Variants in CLPX observed in about 807,000 individuals in gnomAD.
CLPX encodes the protein caseinolytic mitochondrial matrix peptidase chaperone subunit X.
A neutral mutation model predicts 76.4 loss-of-function variants in CLPX; 34 were observed. The ratio of observed to expected loss-of-function variants is 0.45; its 90% confidence interval spans 0.34 to 0.59. The LOEUF is 0.59. Among genes scored for constraint, CLPX ranks in the 20% least tolerant of loss-of-function variants. The pLI is 0.01. For synonymous variants in CLPX, 248 were observed against 270.9 expected (o/e 0.92, Z 0.83); for missense variants, 613 against 757.0 (o/e 0.81, Z 2.23).
chr15:65,162,744 T>A, intron 5 of CLPX, 99 bp from the exon 6 acceptor site: 1 of 676,922 alleles, frequency 1.5e-6, no homozygotes, highest in East Asian at 2.8e-5. Flanking sequence ...TTTAAAGGAT[T>A]TGTTCATTAA....
intron 3 of CLPX, among the ~76,000 whole-genome samples, chr15:65,171,483 CA>C (rs1300410761): frequency 6.6e-6 from 1 of 151,812 alleles, no homozygotes; most frequent in Non-Finnish European, 1.5e-5. Flanking sequence ...ATTCTATTAG[CA>C]AATTTTAAGG....
At chr15:65,181,793 T>TA (rs2088176428) in intron 1 of CLPX, among the ~76,000 whole-genome samples, 1 of 120,802 alleles carries the variant, frequency 8.3e-6, no homozygotes, top group African/African-American at 3.1e-5. Context: ...AATAAATAAA[T>TA]AAAGATAGTA....
intron 9 of CLPX, 48 bp from the exon 10 acceptor site, chr15:65,155,904 TTTA>T: frequency 6.8e-7 from 1 of 1,463,758 alleles, no homozygotes; most frequent in African/African-American, 1.4e-5. Flanking sequence ...AAGCACATTA[TTTA>T]TTATACTTTA....
At chr15:65,171,446 C>CAA (rs749202474) in intron 3 of CLPX, among the ~76,000 whole-genome samples, 1 of 101,744 alleles carries the variant, frequency 9.8e-6, no homozygotes, top group African/African-American at 3.7e-5. Context: ...GACTCAGTCT[C>CAA]AAAAAAAAAA....
At position 65,164,088 on chromosome 15, in the gene CLPX, A is replaced by G. The variant is rs1196452618; in HGVS notation, c.614T>C (p.Ile205Thr). Residue 205 changes from isoleucine to threonine, a missense_variant, in exon 5 of 14, where the codon ATC (isoleucine) becomes ACC (threonine). Transcript: ENST00000300107. ...TGCTTGCTGTCTCAGATTAGCTGGG[A>G]TATTATTATATATTCTCTTATAATG... is the stretch of plus-strand genomic sequence containing the variant. Reference protein sequence around the residue: ...YNHYKRIYNNIPANLRQQAEV... With the variant: ...YNHYKRIYNNTPANLRQQAEV... 5 of 1,613,276 alleles carry G rather than the reference A, an allele frequency of 3.1e-6. No homozygotes were observed. In the South Asian group the frequency reaches 3.3e-5, roughly 11 times the overall value.
At chr15:65,165,447 G>C (rs2087899119) in intron 4 of CLPX, among the ~76,000 whole-genome samples, 1 of 127,544 alleles carries the variant, frequency 7.8e-6, no homozygotes, top group South Asian at 2.6e-4. Flanking sequence ...GCAGTGGCGT[G>C]ATCTTGGCTC....
In CLPX at chr15:65,185,174, G is replaced by A. The variant is rs779499015; in HGVS notation, c.-21C>T. On this transcript the variant is annotated 5_prime_UTR_variant, in exon 1 of 14. Coordinates refer to ENST00000300107, the MANE Select transcript of CLPX (RefSeq NM_006660.5). ...GGCATCTCCGCGAGGCCTAGGCCGGGGCTTCGCCCCCTGAGGACCTCCGGG... is the reference window on the plus strand; with the variant it reads ...GGCATCTCCGCGAGGCCTAGGCCGGAGCTTCGCCCCCTGAGGACCTCCGGG... 22 of 1,552,444 alleles carry A rather than the reference G, an allele frequency of 1.4e-5. No homozygotes were observed. The South Asian group carries it at 2.6e-4, about 18-fold the overall frequency.
intron 3 of CLPX, among the ~76,000 whole-genome samples, chr15:65,169,509 A>G (rs1008481837): frequency 1.3e-5 from 2 of 152,006 alleles, no homozygotes; most frequent in Non-Finnish European, 2.9e-5. Flanking sequence ...ACTTGAGCTT[A>G]GGAGTTCAAG....
chr15:65,163,868 T>C (rs1051691537), intron 5 of CLPX, among the ~76,000 whole-genome samples, 161 bp downstream of exon 5: 3 of 152,228 alleles, frequency 2.0e-5, no homozygotes, highest in East Asian at 1.9e-4. Context: ...TAAAAAATGC[T>C]GTTGGCAAAT....
chr15:65,178,617 C>G (rs1216765713), intron 3 of CLPX, among the ~76,000 whole-genome samples: 1 of 151,450 alleles, frequency 6.6e-6, no homozygotes, highest in South Asian at 2.1e-4. Flanking sequence ...GGATGGGGTA[C>G]AGTGGCATGA....
intron 3 of CLPX, among the ~76,000 whole-genome samples, chr15:65,168,201 C>G (rs185797716): frequency 6.6e-6 from 1 of 150,690 alleles, no homozygotes; most frequent in South Asian, 2.1e-4. Flanking sequence ...CTGGCTAACA[C>G]GGTAAAACCC....
At chr15:65,160,629 A>T (rs2945609) in intron 6 of CLPX, among the ~76,000 whole-genome samples, 3,468 of 144,650 alleles carry the variant, frequency 0.024, 114 homozygotes, top group African/African-American at 0.088. Context: ...TCTCTCACAC[A>T]CACACACACA....
At chr15:65,163,477 T>C (rs1377976716) in intron 5 of CLPX, among the ~76,000 whole-genome samples, 1 of 152,140 alleles carries the variant, frequency 6.6e-6, no homozygotes, top group Non-Finnish European at 1.5e-5. Context: ...AATATAGGCC[T>C]AAATCAGAAA....
At chr15:65,166,891 T>C (rs1318094528) in intron 3 of CLPX, 106 bp from the exon 4 acceptor site, 5 of 1,099,718 alleles carry the variant, frequency 4.5e-6, no homozygotes, top group Non-Finnish European at 6.4e-6. Context: ...TGACAAAAAG[T>C]AGACTTGCTG....
chr15:65,156,463 T>A (rs2087790911), intron 9 of CLPX, among the ~76,000 whole-genome samples: 1 of 152,180 alleles, frequency 6.6e-6, no homozygotes, highest in Non-Finnish European at 1.5e-5. Context: ...GAATTAAACA[T>A]TATTTTATAC....
rs764875353 is a variant in CLPX, at chr15:65,180,156, G to T, written c.128C>A (p.Thr43Lys). The T allele has an allele frequency of 1.9e-6, 3 of 1,609,384 alleles. No individual in the cohort carries two copies. The African/African-American group carries it at 4.0e-5, about 22-fold the overall frequency. Reference sequence around the variant, plus strand: ...TCTTTGCAGAATCTGAGTTTCAAATGTCCCAAGCCTTCCTAAAACTGACAT... The same window carrying T: ...TCTTTGCAGAATCTGAGTTTCAAATTTCCCAAGCCTTCCTAAAACTGACAT... ...IHMSVLGRLG[T>K]FETQILQRAP... is the part of the protein sequence containing the mutation. Residue 43 changes from threonine (T) to lysine (K), a missense_variant, in exon 2 of 14, where the codon ACA (threonine) becomes AAA (lysine). Around this residue, in one of 2 missense-constraint regions of CLPX, gnomAD observed 163 missense variants for 118.4 expected, o/e 1.38. Transcript: ENST00000300107.
intron 3 of CLPX, among the ~76,000 whole-genome samples, chr15:65,168,259 C>T (rs2087945545): frequency 2.7e-5 from 4 of 150,382 alleles, no homozygotes. Flanking sequence ...TGGTGGGCGC[C>T]TGTAGTCCCA....
intron 11 of CLPX, among the ~76,000 whole-genome samples, chr15:65,154,199 G>A (rs2087759003): frequency 6.6e-6 from 1 of 152,168 alleles, no homozygotes; most frequent in South Asian, 2.1e-4. Context: ...ATGATATTTT[G>A]GTGATAGTCA....
intron 9 of CLPX, 49 bp from the exon 10 acceptor site, chr15:65,155,905 T>G: frequency 6.8e-7 from 1 of 1,468,738 alleles, no homozygotes; most frequent in Admixed American, 1.9e-5. Context: ...AGCACATTAT[T>G]TATTATACTT....
Sources: allele counts gnomAD v4.1 joint callset (sites outside exome capture counted in the v4.1 genomes callset), GRCh38; gene constraint gnomAD v4.1.1; regional missense constraint gnomAD v4.1.1; transcripts MANE v1.5; gene names NCBI Gene and HGNC (gene_info 2026-07-23, HGNC 2026-07-21).